SCARA5: variants seen among roughly 807,000 people sequenced by gnomAD.
The protein encoded by SCARA5 is scavenger receptor class A, member 5 (putative).
A neutral mutation model predicts 46.3 loss-of-function variants in SCARA5; 45 were observed. That is an observed-to-expected ratio of 0.97 (90% CI 0.76 to 1.24). The LOEUF is 1.24. SCARA5 is among the 50% of genes most tolerant of loss of function. The pLI is 0.00. For missense variants in SCARA5, 680 were observed against 689.0 expected (o/e 0.99, Z 0.15); for synonymous variants, 333 against 306.5 (o/e 1.09, Z -0.90).
chr8:27,902,931 G>A (rs1585475580), intron 7 of SCARA5, among the ~76,000 whole-genome samples: 1 of 152,190 alleles, frequency 6.6e-6, no homozygotes, highest in Non-Finnish European at 1.5e-5. Flanking sequence ...TGAGGTGAGT[G>A]TGGGGGGTCC....
intron 3 of SCARA5, among the ~76,000 whole-genome samples, chr8:27,949,917 G>C (rs2685417): frequency 0.24 from 36,164 of 152,200 alleles, 4,464 homozygotes; most frequent in Non-Finnish European, 0.26. Context: ...GAAAGTTCTG[G>C]AGCTGGACTA....
At chr8:27,935,413 T>A (rs1333239346) in intron 3 of SCARA5, among the ~76,000 whole-genome samples, 1 of 152,046 alleles carries the variant, frequency 6.6e-6, no homozygotes, top group Non-Finnish European at 1.5e-5. Flanking sequence ...CAATGGGTGG[T>A]TGGAGCACAA....
In SCARA5 at chr8:27,879,599, C is replaced by A. The variant is rs891833356; in HGVS notation, c.1321G>T (p.Glu441Ter). 5.0e-6 allele frequency: 8 copies of A among 1,610,132 alleles called. No homozygotes were observed. The African/African-American group carries it at 1.1e-4, about 21-fold the overall frequency. ...CRMLGFRGVE[E>*]VYRTARFGQG... The stretch of plus-strand genomic sequence containing the variant: ...CCGAATCGAGCTGTGCGGTACACCT[C>A]CTCCACACCGCGGAAGCCGAGCATG... Residue 441 changes from glutamate (E) to a stop codon, truncating the protein, a stop_gained, in exon 8 of 9, where the codon GAG becomes TAG. Transcript: ENST00000354914. LOFTEE classifies it high-confidence loss of function.
Position 27,922,229 on chromosome 8 carries a change from G to A in SCARA5, c.258C>T (p.Ser86=). Residue 86 remains serine, a synonymous_variant, in exon 4 of 9, where the codon AGC becomes AGT. Coordinates refer to ENST00000354914, the MANE Select transcript of SCARA5 (RefSeq NM_173833.6). The part of the protein sequence containing the change: ...IFILAVSRPR[S]SPDDLKALTR... ...TCAGGGCCTTCAGGTCGTCAGGGGA[G>A]CTGCGCGGCCTGGACACTGCGGAGG... 1.9e-6 allele frequency: 3 copies of A among 1,572,514 alleles called. No individual in the cohort carries two copies. Among genetic ancestry groups the A allele is most frequent in the Non-Finnish European group, 2.6e-6 (3 of 1,157,912 alleles).
intron 7 of SCARA5, among the ~76,000 whole-genome samples, chr8:27,898,574 T>C (rs886994258): frequency 6.6e-6 from 1 of 152,250 alleles, no homozygotes; most frequent in Admixed American, 6.5e-5. Flanking sequence ...TCTTAAGCGA[T>C]AAGAGTGACA....
intron 2 of SCARA5, among the ~76,000 whole-genome samples, chr8:27,971,378 GTCTT>G (rs1808445458): frequency 6.6e-6 from 1 of 152,192 alleles, no homozygotes; most frequent in African/African-American, 2.4e-5. Context: ...TGTTCTCTTT[GTCTT>G]CACTTCAGAG....
At position 27,906,275 on chromosome 8, in the gene SCARA5, C is replaced by T. The variant is rs116453747; in HGVS notation, c.1096+873G>A. Among the ~76,000 whole-genome samples the T allele has an allele frequency of 6.0e-3, 914 of 152,182 alleles. 11 individuals carry two copies. Among genetic ancestry groups the T allele is most frequent in the African/African-American group, 0.021 (858 of 41,516 alleles). On this transcript the variant is annotated intron_variant, in intron 6 of 8. Coordinates refer to ENST00000354914, the MANE Select transcript of SCARA5 (RefSeq NM_173833.6). ...AAGAGCATCAGATGTCCTTGTCTTCCGCAGTGATGCTACGAGGCTTAGACA... is the reference window on the plus strand; with the variant it reads ...AAGAGCATCAGATGTCCTTGTCTTCTGCAGTGATGCTACGAGGCTTAGACA...
chr8:27,942,779 C>A (rs1272644997), intron 3 of SCARA5, among the ~76,000 whole-genome samples: 4 of 152,126 alleles, frequency 2.6e-5, no homozygotes, highest in Non-Finnish European at 5.9e-5. Flanking sequence ...CCCTTTGCTG[C>A]TATCTCAAAG....
In SCARA5 at chr8:27,910,577, C is replaced by T. The variant is rs114596363; in HGVS notation, c.917-834G>A. On this transcript the variant is annotated intron_variant, in intron 4 of 8. Coordinates refer to ENST00000354914, the MANE Select transcript of SCARA5 (RefSeq NM_173833.6). ...CAACCAGATCTGCACATGAGGAAGA[C>T]GGCTCAGGCTGCAGTGTGGAAACTG... Among the ~76,000 whole-genome samples the T allele has an allele frequency of 2.9e-3, 440 of 152,262 alleles. 1 individual carries two copies. The highest frequency in any genetic ancestry group is 9.8e-3 in the African/African-American group (409 of 41,548).
intron 3 of SCARA5, among the ~76,000 whole-genome samples, chr8:27,947,172 C>T (rs1243526574): frequency 1.3e-5 from 2 of 152,226 alleles, no homozygotes; most frequent in Admixed American, 6.5e-5. Flanking sequence ...CTACCACGTC[C>T]GGCTACCTTT....
intron 4 of SCARA5, among the ~76,000 whole-genome samples, chr8:27,913,183 A>T (rs1207743759): frequency 2.0e-5 from 3 of 152,162 alleles, no homozygotes; most frequent in Non-Finnish European, 1.5e-5. Context: ...TGTTTTAAAC[A>T]TAACTATGTG....
Position 27,980,707 on chromosome 8 carries a change from G to A in SCARA5, c.112+6797C>T, listed in dbSNP as rs182330625. Among the ~76,000 whole-genome samples the A allele has an allele frequency of 2.6e-3, 393 of 152,298 alleles. 3 individuals are homozygous for A. The highest frequency in any genetic ancestry group is 9.0e-3 in the African/African-American group (372 of 41,556). Reference sequence around the variant, plus strand: ...GGTAGCAAACCTCAGGGGGCCCCTGGGAGCAAAGTGCCTCCAATTAGGATG... The same window carrying A: ...GGTAGCAAACCTCAGGGGGCCCCTGAGAGCAAAGTGCCTCCAATTAGGATG... On this transcript the variant is annotated intron_variant, in intron 2 of 8. Coordinates refer to ENST00000354914, the MANE Select transcript of SCARA5 (RefSeq NM_173833.6).
At chr8:27,880,332 A>G (rs1360757787) in intron 7 of SCARA5, among the ~76,000 whole-genome samples, 1 of 152,130 alleles carries the variant, frequency 6.6e-6, no homozygotes, top group Non-Finnish European at 1.5e-5. Context: ...AATTGCAACA[A>G]AAACCAAAAT....
intron 2 of SCARA5, among the ~76,000 whole-genome samples, chr8:27,970,875 T>G (rs1473431517): frequency 6.6e-6 from 1 of 152,018 alleles, no homozygotes; most frequent in Non-Finnish European, 1.5e-5. Context: ...TTAACAAAAT[T>G]TTGGCTTTTT....
At position 27,904,654 on chromosome 8, in the gene SCARA5, T is replaced by C. The variant is rs200337857; in HGVS notation, c.1153+124A>G. On this transcript the variant is annotated intron_variant, in intron 7 of 8. Coordinates refer to ENST00000354914, the MANE Select transcript of SCARA5 (RefSeq NM_173833.6). ...AGAGCCCTAAAAAAGGTAGGGAGCC[T>C]CCTTTGACACTTGAGCCCCAGCCAT... 3.2e-4 allele frequency: 286 copies of C among 891,452 alleles called. 3 individuals carry two copies. The South Asian group carries it at 3.5e-3, about 11-fold the overall frequency. 55.2% of individuals were successfully genotyped at this position (891,452 alleles called of 1,614,324 possible). A position where few individuals can be genotyped will look rare whatever the true frequency, so the allele number is the denominator to read the frequency against.
intron 7 of SCARA5, among the ~76,000 whole-genome samples, chr8:27,897,387 TAAAC>T (rs777900784): frequency 4.6e-5 from 7 of 152,234 alleles, no homozygotes; most frequent in Non-Finnish European, 1.0e-4. Flanking sequence ...GTTTTCTAAA[TAAAC>T]AGTCAAACCA....
At chr8:27,894,218 G>GCT (rs1807027319) in intron 7 of SCARA5, among the ~76,000 whole-genome samples, 1 of 152,206 alleles carries the variant, frequency 6.6e-6, no homozygotes, top group Non-Finnish European at 1.5e-5. Context: ...GAGAAAACAG[G>GCT]CTCAGAAAAG....
chr8:27,920,260 C>T (rs529010689), intron 4 of SCARA5, among the ~76,000 whole-genome samples: 7 of 152,196 alleles, frequency 4.6e-5, no homozygotes, highest in Non-Finnish European at 8.8e-5. Context: ...CACTTGAGGC[C>T]AGAAGTTCAA....
intron 3 of SCARA5, among the ~76,000 whole-genome samples, chr8:27,956,525 T>C (rs1808209899): frequency 6.6e-6 from 1 of 152,226 alleles, no homozygotes; most frequent in African/African-American, 2.4e-5. Context: ...TGAATTTTCA[T>C]CATACTGATG....
Sources: allele counts gnomAD v4.1 joint callset (sites outside exome capture counted in the v4.1 genomes callset), GRCh38; gene constraint gnomAD v4.1.1; transcripts MANE v1.5; gene names NCBI Gene and HGNC (gene_info 2026-07-23, HGNC 2026-07-21).